Variants in EIF5B observed in about 807,000 individuals in gnomAD.
The protein encoded by EIF5B is eukaryotic translation initiation factor 5B.
A neutral mutation model predicts 147.5 loss-of-function variants in EIF5B; 47 were observed. The observed-to-expected ratio is 0.32, with a 90% CI of 0.25 to 0.41. The LOEUF is 0.41. Among genes scored for constraint, EIF5B ranks in the 10% least tolerant of loss-of-function variants. EIF5B has a pLI of 1.00. For missense variants in EIF5B, 1,064 were observed against 1,413.2 expected (o/e 0.75, Z 3.96); for synonymous variants, 455 against 456.2 (o/e 1.00, Z 0.03).
chr2:99,345,944 A>G (rs894001801), intron 1 of EIF5B, among the ~76,000 whole-genome samples: 7 of 6,974 alleles, frequency 1.0e-3, no homozygotes, highest in Non-Finnish European at 4.7e-3. Context: ...ACCCTGTCTC[A>G]AAAAAAAAAA....
Position 99,389,737 on chromosome 2 carries a change from G to A in EIF5B, c.2291G>A (p.Trp764Ter). Residue 764 changes from tryptophan to a stop codon, truncating the protein, a stop_gained, in exon 15 of 24, where the codon TGG becomes TAG. Transcript: ENST00000289371. LOFTEE classifies it high-confidence loss of function. ...TTTCAGATTGATAGGTTATATGATT[G>A]GAAAAAGAGTCCTGACTCTGATGTG... ...ALNKIDRLYD[W>*]KKSPDSDVAA... 6.2e-7 allele frequency: 1 copy of A among 1,604,150 alleles called. No homozygotes were observed. The highest frequency in any genetic ancestry group is 8.5e-7 in the Non-Finnish European group (1 of 1,177,680).
At chr2:99,376,732 G>A (rs1048459417) in intron 10 of EIF5B, 96 bp downstream of exon 10, 47 of 1,453,478 alleles carry the variant, frequency 3.2e-5, no homozygotes, top group Admixed American at 1.2e-4. Flanking sequence ...AGCACTTTAT[G>A]TATTCTCAAG....
chr2:99,368,658 A>C, intron 7 of EIF5B, 67 bp downstream of exon 7: 1 of 1,247,554 alleles, frequency 8.0e-7, no homozygotes. Context: ...AATCTTCAAA[A>C]CAGTGTCTGT....
At chr2:99,377,082 G>A (rs1274669602) in intron 10 of EIF5B, among the ~76,000 whole-genome samples, 7 of 152,036 alleles carry the variant, frequency 4.6e-5, no homozygotes, top group Non-Finnish European at 1.5e-5. Context: ...TAGACTTTCT[G>A]TATTTTTCCT....
At chr2:99,380,649 G>A (rs190991608) in intron 12 of EIF5B, among the ~76,000 whole-genome samples, 50 of 152,316 alleles carry the variant, frequency 3.3e-4, no homozygotes, top group African/African-American at 1.2e-3. Flanking sequence ...GAACTGAGAA[G>A]CAGTAAGTTG....
chr2:99,390,106 T>G, intron 15 of EIF5B, 113 bp from the exon 16 acceptor site: 1 of 1,252,342 alleles, frequency 8.0e-7, no homozygotes, highest in South Asian at 1.4e-5. Context: ...TTTTAGTGTT[T>G]ATGAGGAGTT....
intron 13 of EIF5B, 100 bp downstream of exon 13, chr2:99,382,326 T>G: frequency 1.1e-6 from 1 of 919,238 alleles, no homozygotes; most frequent in Non-Finnish European, 1.7e-6. Flanking sequence ...TAATTTGATC[T>G]CTATAACTAC....
At chr2:99,354,659 A>G (rs996967315) in intron 1 of EIF5B, among the ~76,000 whole-genome samples, 1 of 151,992 alleles carries the variant, frequency 6.6e-6, no homozygotes, top group African/African-American at 2.4e-5. Flanking sequence ...AGTACATCAT[A>G]TATCTTGGGT....
At chr2:99,394,155 A>G (rs1332831311) in intron 18 of EIF5B, 112 bp from the exon 19 acceptor site, 14 of 1,378,058 alleles carry the variant, frequency 1.0e-5, no homozygotes, top group Non-Finnish European at 7.9e-6. Flanking sequence ...TCTAAGCCTT[A>G]GTTTCATATT....
chr2:99,386,996 A>G (rs751767721), intron 14 of EIF5B, among the ~76,000 whole-genome samples: 4 of 152,034 alleles, frequency 2.6e-5, no homozygotes, highest in South Asian at 2.1e-4. Flanking sequence ...CTGCAGCTCT[A>G]CCTCCTGGGT....
intron 17 of EIF5B, among the ~76,000 whole-genome samples, chr2:99,391,298 A>T (rs1288918840): frequency 6.6e-6 from 1 of 152,224 alleles, no homozygotes; most frequent in Non-Finnish European, 1.5e-5. Context: ...GGAGAGGGGT[A>T]GGCCTTGCTG....
intron 1 of EIF5B, among the ~76,000 whole-genome samples, chr2:99,352,040 C>T (rs1673977321): frequency 6.6e-6 from 1 of 152,046 alleles, no homozygotes; most frequent in Non-Finnish European, 1.5e-5. Context: ...TTAGTGATAA[C>T]ATCTTGTCAT....
intron 6 of EIF5B, among the ~76,000 whole-genome samples, chr2:99,364,904 T>A (rs564344276): frequency 6.6e-6 from 1 of 152,290 alleles, no homozygotes; most frequent in South Asian, 2.1e-4. Context: ...TTTCCTTACT[T>A]TCTGATGCAA....
Position 99,345,611 on chromosome 2 carries a change from A to AAAAT in EIF5B, c.35+8022_35+8023insAAAT, listed in dbSNP as rs59203969. 1.3e-4 allele frequency among the ~76,000 whole-genome samples: 18 copies of AAAAT among 135,514 alleles called. 4 individuals carry two copies. Among genetic ancestry groups the AAAAT allele is most frequent in the Non-Finnish European group, 2.5e-4 (16 of 63,794 alleles). 88.9% of individuals were successfully genotyped at this position (135,514 alleles called of 152,430 possible). On this transcript the variant is annotated intron_variant, in intron 1 of 23. Coordinates refer to ENST00000289371, the MANE Select transcript of EIF5B (RefSeq NM_015904.4). The stretch of plus-strand genomic sequence containing the variant: ...TGTCTCAAAAAAAAAAAAAAAAAAA[A>AAAAT]GGAATGTCTAACATGCCTTTCTGGT...
chr2:99,343,591 G>A (rs1484762469), intron 1 of EIF5B, among the ~76,000 whole-genome samples: 1 of 151,932 alleles, frequency 6.6e-6, no homozygotes, highest in African/African-American at 2.4e-5. Context: ...GCCGAGGTGG[G>A]TGGATCACCT....
rs1331066142 is a variant in EIF5B, at chr2:99,361,208, G to A, written c.307G>A (p.Gly103Ser). ...AGATAAAAAAAAGAAAGGACAGAAG[G>A]GCAAAAAACAGAGTTTTGATGATAA... ...SKDKKKKGQKGKKQSFDDNDS... is the reference protein window; with the variant it reads ...SKDKKKKGQKSKKQSFDDNDS... Residue 103 changes from glycine to serine, a missense_variant, in exon 4 of 24, where the codon GGC becomes AGC. This residue lies in a region of EIF5B where 458 missense variants were observed against 451.3 expected (regional missense o/e 1.01). Transcript: ENST00000289371. 6.3e-7 allele frequency: 1 copy of A among 1,596,486 alleles called. No homozygotes were observed. Among genetic ancestry groups the A allele is most frequent in the Non-Finnish European group, 8.5e-7 (1 of 1,174,932 alleles).
intron 1 of EIF5B, among the ~76,000 whole-genome samples, chr2:99,351,812 C>T (rs1291743994): frequency 6.6e-6 from 1 of 152,120 alleles, no homozygotes; most frequent in Middle Eastern, 3.2e-3. Context: ...ATTCTCTTGC[C>T]TCAGCCTCCT....
chr2:99,381,514 A>AGG (rs199618931), intron 12 of EIF5B, among the ~76,000 whole-genome samples: 2 of 138,472 alleles, frequency 1.4e-5, no homozygotes, highest in Non-Finnish European at 3.2e-5. Flanking sequence ...TAATACAAAA[A>AGG]GGGGGTGTGT....
In EIF5B at chr2:99,379,102, A is replaced by G. The variant is rs373472515; in HGVS notation, c.1926A>G (p.Thr642=). The change falls in exon 11 of 24, where the codon ACA becomes ACG. Residue 642 remains threonine (T), a synonymous_variant. Transcript: ENST00000289371. ...TCTGCGTACTTGGGCATGTGGACACAGGGAAGACAAAAATTCTAGATAAGG... is the reference window on the plus strand; with the variant it reads ...TCTGCGTACTTGGGCATGTGGACACGGGGAAGACAAAAATTCTAGATAAGG... ...PIICVLGHVD[T]GKTKILDKLR... 7.5e-6 allele frequency: 12 copies of G among 1,604,152 alleles called. No individual in the cohort carries two copies. The African/African-American group carries it at 8.1e-5, about 11-fold the overall frequency.
Sources: allele counts gnomAD v4.1 joint callset (sites outside exome capture counted in the v4.1 genomes callset), GRCh38; gene constraint gnomAD v4.1.1; regional missense constraint gnomAD v4.1.1; transcripts MANE v1.5; gene names NCBI Gene and HGNC (gene_info 2026-07-23, HGNC 2026-07-21).